The following HDAC9 variants were observed in gnomAD, a reference collection of about 807,000 sequenced individuals.
HDAC9 encodes histone deacetylase 9, also known as MEF-2 interacting transcription repressor (MITR) protein.
HDAC9 carries 41 observed loss-of-function variants against 139.4 expected under a neutral mutation model. The observed-to-expected ratio is 0.29, with a 90% CI of 0.23 to 0.38. The LOEUF (loss-of-function observed/expected upper bound fraction) is 0.38, where lower values mean the gene tolerates loss of function less well. Ranked by LOEUF, HDAC9 falls within the 10% of genes least tolerant of loss-of-function variation. HDAC9 has a pLI of 1.00. For missense variants in HDAC9, 1,147 were observed against 1,297.0 expected (o/e 0.88, Z 1.78); for synonymous variants, 517 against 476.2 (o/e 1.09, Z -1.12).
chr7:18,374,456 G>C (rs1171814610), intron 1 of HDAC9, among the ~76,000 whole-genome samples: 8 of 151,988 alleles, frequency 5.3e-5, no homozygotes, highest in Admixed American at 5.2e-4. Context: ...ATATGGTATA[G>C]TCTGTTGCTC....
intron 2 of HDAC9, among the ~76,000 whole-genome samples, chr7:18,186,025 G>A (rs771496977): frequency 2.6e-5 from 4 of 152,188 alleles, no homozygotes; most frequent in Non-Finnish European, 4.4e-5. Flanking sequence ...TACTTTATAT[G>A]TGATATCTCA....
At chr7:18,205,820 G>C in intron 2 of HDAC9, among the ~76,000 whole-genome samples, 1 of 151,940 alleles carries the variant, frequency 6.6e-6, no homozygotes, top group African/African-American at 2.4e-5. Context: ...ACAGTCTACA[G>C]GTAATTCAGT....
At chr7:18,644,834 A>G (rs182265657) in intron 9 of HDAC9, 41 bp downstream of exon 9, 128 of 1,564,344 alleles carry the variant, frequency 8.2e-5, no homozygotes, top group Non-Finnish European at 1.1e-4. Context: ...AACCTAAGCA[A>G]TATCTTTTCA....
intron 1 of HDAC9, among the ~76,000 whole-genome samples, chr7:18,116,914 C>T (rs1446173380): frequency 6.6e-6 from 1 of 152,154 alleles, no homozygotes; most frequent in Non-Finnish European, 1.5e-5. Flanking sequence ...CCACATGGAA[C>T]CACTAATGAG....
chr7:18,670,023 T>G (rs1369372111), intron 12 of HDAC9, among the ~76,000 whole-genome samples: 1 of 129,060 alleles, frequency 7.7e-6, no homozygotes, highest in Non-Finnish European at 1.5e-5. Context: ...AACCTAGTAC[T>G]TAACAGATAG....
Position 18,316,475 on chromosome 7 carries a change from G to C in HDAC9, c.-42+25960G>C, listed in dbSNP as rs141635811. Among the ~76,000 whole-genome samples, 72 of 151,950 alleles carry C rather than the reference G, an allele frequency of 4.7e-4. No individual in the cohort carries two copies. The East Asian group carries it at 0.01, about 22-fold the overall frequency. ...CATTGTGACAAAAAATAAATTTGGA[G>C]TCCTCTTTGGAATAAGATTCCATTA... is the stretch of plus-strand genomic sequence containing the variant. On this transcript the variant is annotated intron_variant, in intron 1 of 3. Transcript: ENST00000413509.
At chr7:18,320,139 A>C (rs890921775) in intron 1 of HDAC9, among the ~76,000 whole-genome samples, 1 of 152,230 alleles carries the variant, frequency 6.6e-6, no homozygotes. Flanking sequence ...AGGACATTCA[A>C]CCACACTGAG....
At chr7:18,257,386 C>T (rs560743065) in intron 2 of HDAC9, among the ~76,000 whole-genome samples, 1 of 142,186 alleles carries the variant, frequency 7.0e-6, no homozygotes, top group Non-Finnish European at 1.5e-5. Flanking sequence ...CTCTCTCTCT[C>T]TCTCTCTGTC....
At chr7:18,406,602 G>A (rs1334144726) in intron 1 of HDAC9, among the ~76,000 whole-genome samples, 7 of 151,902 alleles carry the variant, frequency 4.6e-5, no homozygotes, top group Non-Finnish European at 1.0e-4. Context: ...ACCGTGTTAG[G>A]ATGGTCTCAA....
At chr7:18,520,991 C>T (rs1236044510) in intron 2 of HDAC9, among the ~76,000 whole-genome samples, 5 of 152,134 alleles carry the variant, frequency 3.3e-5, no homozygotes, top group East Asian at 1.9e-4. Context: ...GCTTAGTCAT[C>T]GGCAGTCCTC....
upstream of HDAC9, among the ~76,000 whole-genome samples, chr7:18,491,382 A>G (rs1204197944): frequency 6.6e-6 from 1 of 151,960 alleles, no homozygotes; most frequent in African/African-American, 2.4e-5. Flanking sequence ...ATGCAGACAA[A>G]CCGTATTTAT....
At chr7:18,952,263 C>G (rs1036534689) in intron 23 of HDAC9, among the ~76,000 whole-genome samples, 2 of 151,916 alleles carry the variant, frequency 1.3e-5, no homozygotes, top group African/African-American at 4.8e-5. Flanking sequence ...GTATTTTACT[C>G]TCAATACTCT....
At chr7:18,302,515 C>T (rs1288469875) in intron 1 of HDAC9, among the ~76,000 whole-genome samples, 1 of 152,188 alleles carries the variant, frequency 6.6e-6, no homozygotes. Context: ...TATTTGCAAA[C>T]TAACTTTACC....
chr7:18,332,937 C>T (rs1349718362), intron 1 of HDAC9, among the ~76,000 whole-genome samples: 1 of 151,436 alleles, frequency 6.6e-6, no homozygotes, highest in Non-Finnish European at 1.5e-5. Context: ...ACAAGGATCC[C>T]TTCTCAGAGT....
intron 1 of HDAC9, among the ~76,000 whole-genome samples, chr7:18,460,703 C>A (rs1424574537): frequency 5.3e-5 from 8 of 150,628 alleles, no homozygotes; most frequent in Non-Finnish European, 1.2e-4. Flanking sequence ...CAGGAGAATC[C>A]CTTGAACCCA....
At chr7:18,846,819 A>G (rs1178398495) in intron 21 of HDAC9, among the ~76,000 whole-genome samples, 1 of 152,168 alleles carries the variant, frequency 6.6e-6, no homozygotes, top group Non-Finnish European at 1.5e-5. Context: ...TTCTCAAACA[A>G]CCACACAAAT....
Position 19,001,251 on chromosome 7 carries a change from G to A in HDAC9, c.*5189G>A, listed in dbSNP as rs1343247233. Reference sequence around the variant, plus strand: ...TGAACTCTCACCTGAAAGAAAACTGGAAAAGGAGAAACTTTAAATCAGTAT... The same window carrying A: ...TGAACTCTCACCTGAAAGAAAACTGAAAAAGGAGAAACTTTAAATCAGTAT... On this transcript the variant is annotated 3_prime_UTR_variant, in exon 26 of 26. Transcript: ENST00000686413. 1 of 152,124 alleles carries A rather than the reference G, an allele frequency of 6.6e-6. No homozygotes were observed. Among genetic ancestry groups the A allele is most frequent in the Non-Finnish European group, 1.5e-5 (1 of 67,990 alleles). The allele number at this position is 152,124 out of a possible 1,614,324, so 9.4% of individuals were successfully genotyped here.
chr7:18,592,317 C>G (rs759265927), intron 5 of HDAC9, among the ~76,000 whole-genome samples: 1 of 152,096 alleles, frequency 6.6e-6, no homozygotes, highest in Admixed American at 6.6e-5. Flanking sequence ...ACATAATACA[C>G]TGTGGTATTG....
At chr7:18,912,133 T>C (rs1332468133) in intron 22 of HDAC9, among the ~76,000 whole-genome samples, 1 of 152,060 alleles carries the variant, frequency 6.6e-6, no homozygotes, top group Non-Finnish European at 1.5e-5. Context: ...TCTCTTTACA[T>C]AGAATAATAT....
Sources: gnomAD v4.1 joint callset for allele counts (sites outside exome capture counted in the v4.1 genomes callset) on GRCh38, gnomAD v4.1.1 for gene constraint, MANE v1.5 for transcripts, NCBI Gene and HGNC (gene_info 2026-07-23, HGNC 2026-07-21) for gene names.